Variants in PCDHA9 observed in about 807,000 individuals in gnomAD.
PCDHA9 encodes the protein protocadherin alpha 9.
Under a neutral mutation model 62.0 loss-of-function variants are expected in PCDHA9, and 62 were observed. The ratio of observed to expected loss-of-function variants is 1.00; its 90% CI spans 0.81 to 1.23. The LOEUF (loss-of-function observed/expected upper bound fraction) is 1.23. Among genes scored for constraint, PCDHA9 ranks in the 50% most tolerant of loss-of-function variants. The pLI is 0.00. For missense variants in PCDHA9, 1,205 were observed against 1,249.8 expected (o/e 0.96, Z 0.54); for synonymous variants, 557 against 567.6 (o/e 0.98, Z 0.27).
intron 1 of PCDHA9, among the ~76,000 whole-genome samples, chr5:140,901,565 G>A (rs1554189898): frequency 6.6e-6 from 1 of 152,062 alleles, no homozygotes; most frequent in African/African-American, 2.4e-5. Context: ...CTATGTGTCT[G>A]TTTTTATGCC....
intron 1 of PCDHA9, chr5:140,857,557 G>A: frequency 6.3e-7 from 1 of 1,596,936 alleles, no homozygotes; most frequent in Non-Finnish European, 8.6e-7. Flanking sequence ...AGCGCTCGCT[G>A]TCGAGCTACG....
Position 140,849,890 on chromosome 5 carries a change from G to A in PCDHA9, c.1395G>A (p.Lys465=), listed in dbSNP as rs17844330. ...FAQSEYTVFV[K]ENNPPGCHIF... ...AGTCCGAGTACACGGTGTTCGTGAA[G>A]GAGAACAACCCGCCGGGCTGCCACA... The change falls in exon 1 of 4, where the codon AAG becomes AAA. Residue 465 remains lysine (K), a synonymous_variant. Transcript: ENST00000532602. 4.5e-4 allele frequency: 715 copies of A among 1,598,648 alleles called. 25 individuals are homozygous for A. In the East Asian group the frequency reaches 0.016, roughly 35 times the overall value.
intron 1 of PCDHA9, chr5:140,926,357 A>G (rs1385567779): frequency 1.3e-5 from 2 of 152,178 alleles, no homozygotes; most frequent in Admixed American, 6.5e-5. Flanking sequence ...GCGGCTCCCA[A>G]AGGGCGGCAG....
chr5:141,008,299 C>G (rs1223779122), intron 3 of PCDHA9, among the ~76,000 whole-genome samples: 9 of 152,238 alleles, frequency 5.9e-5, no homozygotes, highest in Non-Finnish European at 1.2e-4. Context: ...TGTACCCAAC[C>G]CTAAACTGTA....
At chr5:140,877,010 A>T (rs1177640704) in intron 1 of PCDHA9, 2 of 1,612,296 alleles carry the variant, frequency 1.2e-6, no homozygotes, top group African/African-American at 2.7e-5. Context: ...GTGCACGCGG[A>T]GAGCGGCAAG....
chr5:140,941,175 C>G (rs1344326389), intron 1 of PCDHA9, among the ~76,000 whole-genome samples: 1 of 145,416 alleles, frequency 6.9e-6, no homozygotes, highest in Admixed American at 6.8e-5. Flanking sequence ...CCATCTTGAA[C>G]ATCCTGCTTC....
intron 1 of PCDHA9, among the ~76,000 whole-genome samples, chr5:140,896,526 A>G (rs1554186988): frequency 6.9e-6 from 1 of 144,852 alleles, no homozygotes; most frequent in African/African-American, 2.5e-5. Context: ...CACAAAGCCC[A>G]GCTATTTTTC....
intron 1 of PCDHA9, chr5:140,871,317 G>A: frequency 6.2e-7 from 1 of 1,614,080 alleles, no homozygotes; most frequent in Non-Finnish European, 8.5e-7. Flanking sequence ...AGCCCACGCT[G>A]GTGTGCTCCC....
chr5:140,968,209 C>G (rs781795931), intron 1 of PCDHA9: 5 of 1,614,002 alleles, frequency 3.1e-6, no homozygotes, highest in Non-Finnish European at 4.2e-6. Context: ...TACAGGAGAA[C>G]AATTTGCCAG....
chr5:140,850,202 G>A lies in PCDHA9; in HGVS notation c.1707G>A (p.Arg569=). ...ATGCGCCGGCGCTGCTGACACCTCG[G>A]ATGAGGGGCACTGACGGCGCAGTGA... is the stretch of plus-strand genomic sequence containing the variant. ...NDNAPALLTP[R]MRGTDGAVSE... is the part of the protein sequence containing the mutation. Residue 569 remains arginine, a synonymous_variant, in exon 1 of 4, where the codon CGG becomes CGA. Coordinates refer to ENST00000532602, the MANE Select transcript of PCDHA9 (RefSeq NM_031857.2). The A allele has an allele frequency of 1.9e-6, 3 of 1,593,648 alleles. No individual in the cohort carries two copies. Among genetic ancestry groups the A allele is most frequent in the Non-Finnish European group, 2.6e-6 (3 of 1,167,680 alleles).
At chr5:140,903,787 A>G (rs782220484) in intron 1 of PCDHA9, among the ~76,000 whole-genome samples, 10 of 152,174 alleles carry the variant, frequency 6.6e-5, no homozygotes, top group Non-Finnish European at 1.3e-4. Context: ...TAAACTATCT[A>G]TGGTTGTAAT....
intron 1 of PCDHA9, among the ~76,000 whole-genome samples, chr5:140,921,386 A>C (rs2080192825): frequency 6.6e-6 from 1 of 152,156 alleles, no homozygotes; most frequent in African/African-American, 2.4e-5. Flanking sequence ...ATATTTGATA[A>C]ACATTCACAC....
rs35695909 is a variant in PCDHA9, at chr5:140,914,944, C to CTT, written c.2395-63988_2395-63987dup. Among the ~76,000 whole-genome samples the CTT allele has an allele frequency of 2.2e-4, 28 of 128,250 alleles. 1 individual carries two copies. Among genetic ancestry groups the CTT allele is most frequent in the African/African-American group, 3.1e-4 (11 of 35,118 alleles). 84.1% of individuals were successfully genotyped at this position (128,250 alleles called of 152,430 possible). Reference sequence around the variant, plus strand: ...ATTGTACTATGTTGTGAAAAGTTGTCTTTTTTTTTTTTTTTTTTCTGAGTC... The same window carrying CTT: ...ATTGTACTATGTTGTGAAAAGTTGTCTTTTTTTTTTTTTTTTTTTTCTGAGTC... On this transcript the variant is annotated intron_variant, in intron 1 of 3. Transcript: ENST00000532602.
At chr5:140,871,077 G>GACGGCC (rs782552854) in intron 1 of PCDHA9, 6 of 1,613,222 alleles carry the variant, frequency 3.7e-6, no homozygotes, top group Non-Finnish European at 5.1e-6. Context: ...AGCCGGCGCT[G>GACGGCC]ACGGCCACGG....
intron 1 of PCDHA9, chr5:140,969,141 G>A: frequency 6.2e-7 from 1 of 1,614,158 alleles, no homozygotes; most frequent in South Asian, 1.1e-5. Flanking sequence ...AAGACCTACT[G>A]CTACAAGGCC....
intron 1 of PCDHA9, among the ~76,000 whole-genome samples, chr5:140,924,421 A>G (rs2081827627): frequency 6.6e-6 from 1 of 152,172 alleles, no homozygotes; most frequent in Non-Finnish European, 1.5e-5. Flanking sequence ...TGCCCTTTCT[A>G]GTTCCCTAGA....
rs782508103 is a variant in PCDHA9, at chr5:140,856,192, G to T, written c.2394+5303G>T. ...ACGGCACCTTCGTGGGCCGCATCGCGCAGGACCTGGGGCTGGAGCTGGCGG... is the reference window on the plus strand; with the variant it reads ...ACGGCACCTTCGTGGGCCGCATCGCTCAGGACCTGGGGCTGGAGCTGGCGG... On this transcript the variant is annotated intron_variant, in intron 1 of 3. Coordinates refer to ENST00000532602, the MANE Select transcript of PCDHA9 (RefSeq NM_031857.2). The T allele has an allele frequency of 3.7e-5, 59 of 1,598,180 alleles. 4 individuals carry two copies. Among genetic ancestry groups the T allele is most frequent in the South Asian group, 2.8e-4 (25 of 90,510 alleles).
chr5:140,870,089 T>C (rs782364525), intron 1 of PCDHA9: 4 of 1,613,796 alleles, frequency 2.5e-6, no homozygotes, highest in Non-Finnish European at 3.4e-6. Flanking sequence ...ACTCCCCCAA[T>C]GGCAGGTCAC....
chr5:140,869,158 C>T (rs782164931), intron 1 of PCDHA9: 1 of 1,613,872 alleles, frequency 6.2e-7, no homozygotes, highest in East Asian at 2.2e-5. Context: ...GCTCTGGCTT[C>T]TCCTCCTCGA....
Sources: allele counts gnomAD v4.1 joint callset (sites outside exome capture counted in the v4.1 genomes callset), GRCh38; gene constraint gnomAD v4.1.1; transcripts MANE v1.5; gene names NCBI Gene and HGNC (gene_info 2026-07-23, HGNC 2026-07-21).